VAMP4: variants seen among roughly 807,000 people sequenced by gnomAD.
The protein encoded by VAMP4 is vesicle associated membrane protein 4.
A neutral mutation model predicts 23.5 loss-of-function variants in VAMP4; 19 were observed. The observed-to-expected ratio is 0.81, with a 90% CI of 0.56 to 1.19. The LOEUF (loss-of-function observed/expected upper bound fraction) is 1.19, where lower values mean the gene tolerates loss of function less well. Among genes scored for constraint, VAMP4 ranks in the 50% most tolerant of loss-of-function variants. The pLI, the probability that VAMP4 is intolerant of heterozygous loss-of-function variation, is 0.00. For missense variants in VAMP4, 145 were observed against 168.6 expected (o/e 0.86, Z 0.78); for synonymous variants, 31 against 51.0 (o/e 0.61, Z 1.67).
chr1:171,704,709 T>C (rs1050364434), intron 7 of VAMP4, among the ~76,000 whole-genome samples, 175 bp from the exon 8 acceptor site: 2 of 151,956 alleles, frequency 1.3e-5, no homozygotes, highest in Non-Finnish European at 2.9e-5. Context: ...AAAAATATCA[T>C]AAAACAACCT....
chr1:171,735,347 T>C (rs913881659), intron 2 of VAMP4, among the ~76,000 whole-genome samples: 4 of 152,236 alleles, frequency 2.6e-5, no homozygotes, highest in Non-Finnish European at 5.9e-5. Flanking sequence ...ATACTATACA[T>C]TGAATTTGGC....
intron 2 of VAMP4, among the ~76,000 whole-genome samples, chr1:171,728,825 T>C (rs143875325): frequency 2.0e-4 from 30 of 152,266 alleles, no homozygotes; most frequent in Non-Finnish European, 3.4e-4. Context: ...CTGAAGCTGG[T>C]ATGGGAGTGA....
chr1:171,711,697 A>C (rs1654853396), intron 4 of VAMP4, among the ~76,000 whole-genome samples: 1 of 152,154 alleles, frequency 6.6e-6, no homozygotes, highest in Admixed American at 6.5e-5. Flanking sequence ...AATTATTTTA[A>C]ATTACTTTAC....
intron 2 of VAMP4, among the ~76,000 whole-genome samples, chr1:171,734,307 T>C (rs1655666333): frequency 6.7e-6 from 1 of 148,678 alleles, no homozygotes; most frequent in South Asian, 2.1e-4. Context: ...TGATATGCAC[T>C]ATAACGTTGA....
intron 3 of VAMP4, among the ~76,000 whole-genome samples, chr1:171,722,842 G>C (rs1409421194): frequency 5.3e-5 from 7 of 130,850 alleles, no homozygotes; most frequent in African/African-American, 1.9e-4. Context: ...GTGGAAGTCA[G>C]TGTGCGATTC....
At chr1:171,717,628 T>C (rs1655062504) in intron 4 of VAMP4, among the ~76,000 whole-genome samples, 1 of 148,978 alleles carries the variant, frequency 6.7e-6, no homozygotes, top group Non-Finnish European at 1.5e-5. Context: ...CTTTTTTTTT[T>C]AAGAGAAGGG....
rs1047626166 is a variant in VAMP4, at chr1:171,704,348, T to C, written c.*158A>G. 75 of 444,054 alleles carry C rather than the reference T, an allele frequency of 1.7e-4. No homozygotes were observed. The highest frequency in any genetic ancestry group is 2.7e-4 in the Non-Finnish European group (69 of 252,848). The allele number at this position is 444,054 out of a possible 1,614,324, so 27.5% of individuals were successfully genotyped here. On this transcript the variant is annotated 3_prime_UTR_variant, in exon 8 of 8. Coordinates refer to ENST00000236192, the MANE Select transcript of VAMP4 (RefSeq NM_003762.5). ...ATTTTGTTAGAAAGGGAGAAGATAATTGGACATTCTCAACGTTCCAATTTG... is the reference window on the plus strand; with the variant it reads ...ATTTTGTTAGAAAGGGAGAAGATAACTGGACATTCTCAACGTTCCAATTTG...
At position 171,704,430 on chromosome 1, in the gene VAMP4, T is replaced by G; in HGVS notation, c.*76A>C. On this transcript the variant is annotated 3_prime_UTR_variant, in exon 8 of 8. Transcript: ENST00000236192. ...AGAAGTTTTGAAAGTTATATACACA[T>G]AGGTTTCATTTAAATTATGCAGCAA... 1 of 1,322,346 alleles carries G rather than the reference T, an allele frequency of 7.6e-7. No homozygotes were observed. Among genetic ancestry groups the G allele is most frequent in the Non-Finnish European group, 1.0e-6 (1 of 975,132 alleles). The allele number at this position is 1,322,346 out of a possible 1,614,324, so 81.9% of individuals were successfully genotyped here.
chr1:171,734,966 T>A (rs1219028544), intron 2 of VAMP4, among the ~76,000 whole-genome samples: 3 of 152,204 alleles, frequency 2.0e-5, no homozygotes, highest in Non-Finnish European at 4.4e-5. Context: ...TTCCTGCCCT[T>A]GTTATTAGGG....
chr1:171,709,471 T>C (rs1654774861), intron 6 of VAMP4, among the ~76,000 whole-genome samples, 194 bp downstream of exon 6: 1 of 152,204 alleles, frequency 6.6e-6, no homozygotes, highest in African/African-American at 2.4e-5. Flanking sequence ...CTTTTAGGCA[T>C]ACTGATTTAT....
At chr1:171,706,657 A>G (rs1416398006) in intron 6 of VAMP4, among the ~76,000 whole-genome samples, 1 of 152,168 alleles carries the variant, frequency 6.6e-6, no homozygotes, top group African/African-American at 2.4e-5. Flanking sequence ...GTAAGGGGAG[A>G]AAAAACTAAC....
intron 5 of VAMP4, 39 bp from the exon 6 acceptor site, chr1:171,709,783 A>G (rs764781430): frequency 6.0e-6 from 9 of 1,488,628 alleles, no homozygotes; most frequent in Non-Finnish European, 8.4e-6. Flanking sequence ...ATTAAACGAC[A>G]TAACAGGATT....
At chr1:171,730,418 T>C (rs1246096296) in intron 2 of VAMP4, among the ~76,000 whole-genome samples, 1 of 152,076 alleles carries the variant, frequency 6.6e-6, no homozygotes, top group African/African-American at 2.4e-5. Context: ...AGTTAAAGCT[T>C]TTGAAAAAAA....
rs1394125617 is a variant in VAMP4, at chr1:171,700,596, T to G, written c.*3910A>C. On this transcript the variant is annotated 3_prime_UTR_variant, in exon 8 of 8. Coordinates refer to ENST00000236192, the MANE Select transcript of VAMP4 (RefSeq NM_003762.5). ...AAAGCCAGAGTTTTTCCACACCCAA[T>G]TACAGTAGAAGAGCACCCCTATATC... is the stretch of plus-strand genomic sequence containing the variant. The G allele has an allele frequency of 6.6e-6, 1 of 152,190 alleles. No homozygotes were observed. The highest frequency in any genetic ancestry group is 2.4e-5 in the African/African-American group (1 of 41,440). The allele number at this position is 152,190 out of a possible 1,614,324, so 9.4% of individuals were successfully genotyped here.
chr1:171,719,626 C>T (rs191156817), intron 3 of VAMP4, among the ~76,000 whole-genome samples: 89 of 152,046 alleles, frequency 5.9e-4, no homozygotes, highest in East Asian at 2.9e-3. Context: ...TGAATTTAGA[C>T]TATAATGAAA....
chr1:171,729,141 C>T (rs1482738847), intron 2 of VAMP4, among the ~76,000 whole-genome samples: 1 of 152,198 alleles, frequency 6.6e-6, no homozygotes, highest in African/African-American at 2.4e-5. Context: ...AGGACAGTCT[C>T]ACCTTCTCCC....
At chr1:171,707,368 A>G (rs764355935) in intron 6 of VAMP4, among the ~76,000 whole-genome samples, 11 of 152,184 alleles carry the variant, frequency 7.2e-5, no homozygotes, top group African/African-American at 1.2e-4. Flanking sequence ...AATAAACATG[A>G]CCACAATCAA....
rs236894 is a variant in VAMP4 at position 171,700,683 on chromosome 1, G to A, written c.*3823C>T. On this transcript the variant is annotated 3_prime_UTR_variant, in exon 8 of 8. Coordinates refer to ENST00000236192, the MANE Select transcript of VAMP4 (RefSeq NM_003762.5). ...ATATTGCTTCTCCAGAGAGCACTGT[G>A]GAGTCACCTCTCACTGATATACTAA... 21,066 of 152,178 alleles carry A rather than the reference G, an allele frequency of 0.14. 1,837 individuals are homozygous for A. Among genetic ancestry groups the A allele is most frequent in the Non-Finnish European group, 0.19 (13,245 of 67,990 alleles). 9.4% of individuals were successfully genotyped at this position (152,178 alleles called of 1,614,324 possible).
In VAMP4 at chr1:171,710,887, A is replaced by G; in HGVS notation, c.165-73T>C. ...TTACAATTTTTAAAACTTTCATTAG[A>G]CATAATAAAGAATAGCAAATTCTCA... On this transcript the variant is annotated intron_variant, in intron 4 of 7. Coordinates refer to ENST00000236192, the MANE Select transcript of VAMP4 (RefSeq NM_003762.5). 6.3e-6 allele frequency: 7 copies of G among 1,118,312 alleles called. 1 individual carries two copies. In the Middle Eastern group the frequency reaches 1.1e-3, roughly 169 times the overall value. The allele number at this position is 1,118,312 out of a possible 1,614,324, so 69.3% of individuals were successfully genotyped here. A position where few individuals can be genotyped will look rare whatever the true frequency, so the allele number is the denominator to read the frequency against.
Sources: gnomAD v4.1 joint callset for allele counts (sites outside exome capture counted in the v4.1 genomes callset) on GRCh38, gnomAD v4.1.1 for gene constraint, MANE v1.5 for transcripts, NCBI Gene and HGNC (gene_info 2026-07-23, HGNC 2026-07-21) for gene names.